GLP2R: variants seen among roughly 807,000 people sequenced by gnomAD.
GLP2R encodes glucagon-like peptide 2 receptor.
In GLP2R, 59 loss-of-function variants were observed where a neutral mutation model predicts 68.2. That is an observed-to-expected ratio of 0.87 (90% CI 0.70 to 1.07). The LOEUF (loss-of-function observed/expected upper bound fraction) is 1.07. Among genes scored for constraint, GLP2R ranks in the 50% least tolerant of loss-of-function variants. The pLI, the probability that GLP2R is intolerant of heterozygous loss-of-function variation, is 0.00. For missense variants in GLP2R, 548 were observed against 677.4 expected, an observed-to-expected ratio of 0.81 and a Z score of 2.12; for synonymous variants, 270 against 265.4, an observed-to-expected ratio of 1.02 and a Z score of -0.17.
chr17:9,874,485 C>A (rs1231229946), intron 10 of GLP2R, among the ~76,000 whole-genome samples: 1 of 151,898 alleles, frequency 6.6e-6, no homozygotes, highest in African/African-American at 2.4e-5. Context: ...AGAGTGAGAC[C>A]CTTTTTCTTT....
intron 4 of GLP2R, among the ~76,000 whole-genome samples, chr17:9,853,482 G>A (rs1376011424): frequency 2.0e-5 from 3 of 152,176 alleles, no homozygotes; most frequent in African/African-American, 7.2e-5. Context: ...AAGAATTAAA[G>A]ATGAGAGAGA....
intron 3 of GLP2R, among the ~76,000 whole-genome samples, chr17:9,841,184 T>A (rs1193759684): frequency 2.6e-4 from 6 of 22,884 alleles, no homozygotes; most frequent in Non-Finnish European, 6.5e-4. Flanking sequence ...GCCTAGCTAA[T>A]TTTTTTTTTT....
chr17:9,847,921 G>A (rs555376392), intron 4 of GLP2R, among the ~76,000 whole-genome samples: 6 of 152,262 alleles, frequency 3.9e-5, no homozygotes, highest in Admixed American at 2.6e-4. Flanking sequence ...AGGCTGAGGC[G>A]GGAGGGCTGC....
At chr17:9,844,829 T>C (rs2066822831) in intron 4 of GLP2R, among the ~76,000 whole-genome samples, 1 of 151,510 alleles carries the variant, frequency 6.6e-6, no homozygotes, top group South Asian at 2.1e-4. Context: ...TACCTGGGAC[T>C]ACAGGTGCGT....
At chr17:9,846,477 G>A (rs1251572351) in intron 4 of GLP2R, among the ~76,000 whole-genome samples, 5 of 152,106 alleles carry the variant, frequency 3.3e-5, no homozygotes, top group Admixed American at 3.3e-4. Context: ...AATTAGCTGG[G>A]CATGGTGGTG....
chr17:9,866,264 C>T (rs1051695374), intron 9 of GLP2R: 9 of 202,006 alleles, frequency 4.5e-5, no homozygotes, highest in Non-Finnish European at 8.1e-5. Flanking sequence ...CAGTCTTGAA[C>T]TAGACCAGTG....
At chr17:9,868,211 C>T (rs957483431) in intron 9 of GLP2R, among the ~76,000 whole-genome samples, 8 of 152,198 alleles carry the variant, frequency 5.3e-5, no homozygotes, top group Non-Finnish European at 8.8e-5. Context: ...TTCAGCAGGG[C>T]TCTTGGGGAA....
At chr17:9,836,039 CAAAAAAAAAAAAAA>C (rs10706067) in intron 2 of GLP2R, among the ~76,000 whole-genome samples, 1 of 87,206 alleles carries the variant, frequency 1.1e-5, no homozygotes, top group Non-Finnish European at 2.2e-5. Context: ...ACTCCATCTC[CAAAAAAAAAAAAAA>C]AAAAAAAGAA....
chr17:9,855,270 T>C (rs2066924849), intron 5 of GLP2R, among the ~76,000 whole-genome samples: 4 of 152,176 alleles, frequency 2.6e-5, no homozygotes, highest in African/African-American at 9.7e-5. Context: ...CCATCCCATT[T>C]TGCAGAAGAA....
At chr17:9,879,756 G>A (rs1360025928) in intron 10 of GLP2R, among the ~76,000 whole-genome samples, 1 of 152,140 alleles carries the variant, frequency 6.6e-6, no homozygotes, top group East Asian at 1.9e-4. Flanking sequence ...TTTATGAGGA[G>A]GATCAGTTTT....
intron 5 of GLP2R, among the ~76,000 whole-genome samples, chr17:9,855,681 T>G (rs187767690): frequency 9.8e-4 from 150 of 152,336 alleles, no homozygotes; most frequent in Non-Finnish European, 1.6e-3. Flanking sequence ...ATTCTATTCC[T>G]GGGAGGTTAG....
At chr17:9,861,242 TC>T (rs770359126) in intron 8 of GLP2R, 43 bp downstream of exon 8, 100 of 1,263,970 alleles carry the variant, frequency 7.9e-5, no homozygotes, top group Non-Finnish European at 1.1e-4. Flanking sequence ...AGCCGGTAAT[TC>T]CCAGGCATGC....
rs537444908 is a variant in GLP2R at position 9,834,430 on chromosome 17, GT to G, written c.277+537del. ...AAAGGAATGGGGGTGGGGGGCGCGGGTCTCCCATCTCCCAGGGCATTAACTA... is the reference window on the plus strand; with the variant it reads ...AAAGGAATGGGGGTGGGGGGCGCGGGCTCCCATCTCCCAGGGCATTAACTA... On this transcript the variant is annotated intron_variant, in intron 2 of 12. Transcript: ENST00000262441. The G allele has an allele frequency of 2.6e-3, 415 of 162,266 alleles. 1 individual carries two copies. Among genetic ancestry groups the G allele is most frequent in the Non-Finnish European group, 4.3e-3 (316 of 73,432 alleles). 10.1% of individuals were successfully genotyped at this position (162,266 alleles called of 1,614,324 possible). A position where few individuals can be genotyped will look rare whatever the true frequency, so the allele number is the denominator to read the frequency against.
rs564780030 is a variant in GLP2R, at chr17:9,862,217, T to C, written c.1056+127T>C. 5.7e-6 allele frequency: 4 copies of C among 706,130 alleles called. No homozygotes were observed. The Admixed American group carries it at 9.4e-5, about 17-fold the overall frequency. The allele number at this position is 706,130 out of a possible 1,614,324, so 43.7% of individuals were successfully genotyped here. ...AGAGAGAGAAGCTGAACTATGAGCATTTTCTGCTGAATGAGAAGTTAGAAG... is the reference window on the plus strand; with the variant it reads ...AGAGAGAGAAGCTGAACTATGAGCACTTTCTGCTGAATGAGAAGTTAGAAG... On this transcript the variant is annotated intron_variant, in intron 9 of 12. Coordinates refer to ENST00000262441, the MANE Select transcript of GLP2R (RefSeq NM_004246.3).
intron 11 of GLP2R, among the ~76,000 whole-genome samples, chr17:9,884,110 G>T (rs1346808459): frequency 2.0e-5 from 3 of 152,020 alleles, no homozygotes; most frequent in Non-Finnish European, 2.9e-5. Context: ...AGTAAATAGA[G>T]ATATATAGGA....
chr17:9,836,139 A>C (rs766211634), intron 2 of GLP2R, among the ~76,000 whole-genome samples: 5 of 152,232 alleles, frequency 3.3e-5, no homozygotes, highest in African/African-American at 4.8e-5. Context: ...ACCGGAGGTC[A>C]AGTTGGGCAG....
chr17:9,832,009 T>C (rs2066684346), intron 1 of GLP2R, among the ~76,000 whole-genome samples: 1 of 152,224 alleles, frequency 6.6e-6, no homozygotes, highest in Non-Finnish European at 1.5e-5. Context: ...CTGCCGTCTC[T>C]AGAACAGATT....
chr17:9,876,039 G>A (rs537355052), intron 10 of GLP2R, among the ~76,000 whole-genome samples: 23 of 152,236 alleles, frequency 1.5e-4, no homozygotes, highest in African/African-American at 4.6e-4. Flanking sequence ...CACCATGCCC[G>A]GTTAATTTTG....
At chr17:9,848,578 CA>C (rs1341967552) in intron 4 of GLP2R, among the ~76,000 whole-genome samples, 3 of 152,084 alleles carry the variant, frequency 2.0e-5, no homozygotes, top group African/African-American at 7.2e-5. Flanking sequence ...ACTGCGCTTT[CA>C]AAAACAGGAA....
Sources: gnomAD v4.1 joint callset for allele counts (sites outside exome capture counted in the v4.1 genomes callset) on GRCh38, gnomAD v4.1.1 for gene constraint, MANE v1.5 for transcripts, NCBI Gene and HGNC (gene_info 2026-07-23, HGNC 2026-07-21) for gene names.